The following BBS4 variants were observed in gnomAD, a reference collection of about 807,000 sequenced individuals.
The protein encoded by BBS4 is BBSome complex member BBS4.
BBS4 carries 58 observed loss-of-function variants against 71.4 expected under a neutral mutation model. The ratio of observed to expected loss-of-function variants is 0.81; its 90% confidence interval spans 0.66 to 1.01. BBS4 has a LOEUF of 1.01. Ranked by LOEUF, BBS4 falls within the 50% of genes least tolerant of loss-of-function variation. The pLI is 0.00. For missense variants in BBS4, 660 were observed against 607.9 expected (o/e 1.09, Z -0.90); for synonymous variants, 228 against 216.8 (o/e 1.05, Z -0.46).
rs995245010 is a variant in BBS4, at chr15:72,736,064, A to G, written c.1248+98A>G. 6 of 1,412,772 alleles carry G rather than the reference A, an allele frequency of 4.2e-6. No homozygotes were observed. The African/African-American group carries it at 7.1e-5, about 17-fold the overall frequency. The allele number at this position is 1,412,772 out of a possible 1,614,324, so 87.5% of individuals were successfully genotyped here. A position where few individuals can be genotyped will look rare whatever the true frequency, so the allele number is the denominator to read the frequency against. ...TCCAAATCCAAGGTATTACACGTTC[A>G]TGGCTGTTCTGGCTTTGATGTTCCT... On this transcript the variant is annotated intron_variant, in intron 14 of 15. Transcript: ENST00000268057.
chr15:72,725,829 CCA>C (rs2065673421), intron 8 of BBS4, among the ~76,000 whole-genome samples: 1 of 10,188 alleles, frequency 9.8e-5, no homozygotes, highest in Non-Finnish European at 2.4e-4. Flanking sequence ...CCCCCTTTCC[CCA>C]TCCCCCTTTC....
intron 2 of BBS4, chr15:72,704,544 T>G: frequency 1.1e-6 from 1 of 936,142 alleles, no homozygotes; most frequent in Non-Finnish European, 1.5e-6. Flanking sequence ...TATCCAGAAT[T>G]CCTTCATCTT....
chr15:72,686,620 A>C, intron 1 of BBS4: 1 of 1,268,122 alleles, frequency 7.9e-7, no homozygotes, highest in Non-Finnish European at 1.0e-6. Context: ...TTGGGAATTT[A>C]ACATGCCTGG....
intron 10 of BBS4, among the ~76,000 whole-genome samples, 159 bp downstream of exon 10, chr15:72,729,843 T>C (rs2065777525): frequency 6.6e-6 from 1 of 152,206 alleles, no homozygotes; most frequent in Admixed American, 6.5e-5. Context: ...TTGAAAATAG[T>C]GTCAAGTATG....
intron 6 of BBS4, chr15:72,717,096 T>G: frequency 1.9e-6 from 1 of 517,970 alleles, no homozygotes; most frequent in African/African-American, 1.9e-5. Context: ...TTCTTGTTGA[T>G]GACCCCTAGA....
Position 72,735,160 on chromosome 15 carries a change from G to A in BBS4, c.1084G>A (p.Ala362Thr), listed in dbSNP as rs969384648. Residue 362 changes from alanine to threonine, a missense_variant, in exon 13 of 16, where the codon GCA (alanine) becomes ACA (threonine). Transcript: ENST00000268057. ...EDIENAKRAY[A>T]EAVHLDKCNP... is the part of the protein sequence containing the mutation. ...TATAGAAAATGCCAAGAGAGCCTACGCAGAAGCAGTCCACCTGGATAAGTA... is the reference window on the plus strand; with the variant it reads ...TATAGAAAATGCCAAGAGAGCCTACACAGAAGCAGTCCACCTGGATAAGTA... The A allele has an allele frequency of 1.3e-5, 21 of 1,613,552 alleles. No individual in the cohort carries two copies. Among genetic ancestry groups the A allele is most frequent in the African/African-American group, 4.0e-5 (3 of 74,916 alleles).
intron 1 of BBS4, among the ~76,000 whole-genome samples, chr15:72,693,734 C>T (rs1040916157): frequency 3.9e-5 from 6 of 152,030 alleles, no homozygotes; most frequent in African/African-American, 9.7e-5. Flanking sequence ...GACCTGTGGG[C>T]CATAGTTTGC....
At chr15:72,735,990 G>A (rs2065915233) in intron 14 of BBS4, 24 bp downstream of exon 14, 1 of 1,613,798 alleles carries the variant, frequency 6.2e-7, no homozygotes, top group Non-Finnish European at 8.5e-7. Context: ...TAGCTCCCAA[G>A]AGTCATAAGT....
intron 2 of BBS4, among the ~76,000 whole-genome samples, chr15:72,707,296 A>G (rs1352978913): frequency 1.3e-5 from 2 of 151,272 alleles, no homozygotes; most frequent in Non-Finnish European, 2.9e-5. Context: ...CTGGTGCCCA[A>G]GCCTCCCTAG....
rs1027020411 is a variant in BBS4 at position 72,715,165 on chromosome 15, A to G, written c.221-126A>G. The G allele has an allele frequency of 3.4e-5, 24 of 708,698 alleles. 1 individual carries two copies. In the Admixed American group the frequency reaches 4.9e-4, roughly 14 times the overall value. 43.9% of individuals were successfully genotyped at this position (708,698 alleles called of 1,614,324 possible). On this transcript the variant is annotated intron_variant, in intron 4 of 15. Transcript: ENST00000268057. ...AGCCATATCTGATTGTTTTAAGGATACAGTTGTCCAAAGGATTTACTTGAT... is the reference window on the plus strand; with the variant it reads ...AGCCATATCTGATTGTTTTAAGGATGCAGTTGTCCAAAGGATTTACTTGAT...
intron 10 of BBS4, among the ~76,000 whole-genome samples, chr15:72,730,601 T>C (rs2065797150): frequency 6.6e-6 from 1 of 152,098 alleles, no homozygotes. Context: ...AAAGAAACAA[T>C]AATTATGTTG....
chr15:72,735,386 A>G (rs893267968), intron 13 of BBS4: 2 of 602,588 alleles, frequency 3.3e-6, no homozygotes, highest in Admixed American at 4.8e-5. Context: ...AAATGTTTCC[A>G]GTCCTAAACT....
In BBS4 at chr15:72,736,975, C is replaced by CAG. The variant is rs751876411; in HGVS notation, c.1450+15_1450+16dup. On this transcript the variant is annotated intron_variant, in intron 15 of 15. Coordinates refer to ENST00000268057, the MANE Select transcript of BBS4 (RefSeq NM_033028.5). The stretch of plus-strand genomic sequence containing the variant: ...GACGCTCCCCTCAGGTAGGACCATA[C>CAG]AGAGCTCCATGAAGACCTGGCAGGT... The CAG allele has an allele frequency of 1.2e-6, 2 of 1,613,564 alleles. No individual in the cohort carries two copies. Among genetic ancestry groups the CAG allele is most frequent in the African/African-American group, 2.7e-5 (2 of 74,916 alleles).
At chr15:72,689,269 A>G (rs1452311962) in intron 1 of BBS4, among the ~76,000 whole-genome samples, 2 of 152,222 alleles carry the variant, frequency 1.3e-5, no homozygotes, top group South Asian at 2.1e-4. Context: ...GGCTACAGTC[A>G]AGGCCTTGAG....
intron 5 of BBS4, 113 bp from the exon 6 acceptor site, chr15:72,716,665 G>A (rs1306079908): frequency 2.4e-6 from 2 of 839,170 alleles, no homozygotes; most frequent in African/African-American, 3.4e-5. Context: ...ACCTCATAGA[G>A]AAAAGGCTTC....
chr15:72,719,430 T>C (rs552035294), intron 6 of BBS4, among the ~76,000 whole-genome samples: 2 of 151,908 alleles, frequency 1.3e-5, no homozygotes, highest in African/African-American at 4.8e-5. Flanking sequence ...AAATTTATTT[T>C]GTGGAAATGA....
At chr15:72,687,453 A>AAAAG (rs972249841) in intron 1 of BBS4, among the ~76,000 whole-genome samples, 2 of 151,404 alleles carry the variant, frequency 1.3e-5, no homozygotes, top group Non-Finnish European at 2.9e-5. Context: ...AAAATACAAA[A>AAAAG]ATTAGCGGGG....
intron 6 of BBS4, among the ~76,000 whole-genome samples, chr15:72,718,113 TG>T (rs2065500304): frequency 6.6e-6 from 1 of 152,188 alleles, no homozygotes; most frequent in Non-Finnish European, 1.5e-5. Context: ...CCTCCCAAAG[TG>T]TTGGGATTAT....
rs1221730334 is a variant in BBS4, at chr15:72,731,354, T to TATTTGA, written c.761_762insATTTGA (p.Val254_Ala255insPheAsp). 1 of 1,614,172 alleles carries TATTTGA rather than the reference T, an allele frequency of 6.2e-7. No individual in the cohort carries two copies. The highest frequency in any genetic ancestry group is 1.1e-5 in the South Asian group (1 of 91,076). On this transcript the variant is annotated inframe_insertion, in exon 11 of 16. Coordinates refer to ENST00000268057, the MANE Select transcript of BBS4 (RefSeq NM_033028.5). ...ATGCAGACCCACGGGGACTTTGATG[T>TATTTGA]TGCCCTCACCAAATACAGAGTTGTG...
Sources: gnomAD v4.1 joint callset for allele counts (sites outside exome capture counted in the v4.1 genomes callset) on GRCh38, gnomAD v4.1.1 for gene constraint, MANE v1.5 for transcripts, NCBI Gene and HGNC (gene_info 2026-07-23, HGNC 2026-07-21) for gene names.